SEC14L1: variants seen among roughly 807,000 people sequenced by gnomAD.
SEC14L1 encodes SEC14 like lipid binding 1, also known as SEC14-like protein 1.
SEC14L1 carries 48 observed loss-of-function variants against 85.3 expected under a neutral mutation model. That is an observed-to-expected ratio of 0.56 (90% CI 0.45 to 0.72). The LOEUF (loss-of-function observed/expected upper bound fraction) is 0.72. Ranked by LOEUF, SEC14L1 falls within the 30% of genes least tolerant of loss-of-function variation. The probability of loss-of-function intolerance (pLI) is 0.00; values close to 1 mark genes in which losing one functional copy is unlikely to be tolerated. For missense variants in SEC14L1, 682 were observed against 921.4 expected (o/e 0.74, Z 3.36); for synonymous variants, 391 against 355.5 (o/e 1.10, Z -1.12).
intron 3 of SEC14L1, among the ~76,000 whole-genome samples, chr17:77,115,054 G>A (rs1972141635): frequency 6.6e-6 from 1 of 152,112 alleles, no homozygotes; most frequent in Non-Finnish European, 1.5e-5. Flanking sequence ...CCATGTACCA[G>A]TCACAAATAA....
intron 3 of SEC14L1, among the ~76,000 whole-genome samples, chr17:77,172,038 A>C (rs917736043): frequency 6.6e-6 from 1 of 152,176 alleles, no homozygotes; most frequent in Non-Finnish European, 1.5e-5. Context: ...AGCGGTCCTT[A>C]TATTTAATTT....
chr17:77,215,058 C>T lies in SEC14L1; in HGVS notation c.*1035C>T. ...TCTTTGTACATGGGAATTGTGGACT[C>T]ATGCGTGTGTGTGTGTGCATGTGCT... On this transcript the variant is annotated 3_prime_UTR_variant, in exon 17 of 17. Coordinates refer to ENST00000436233, the MANE Select transcript of SEC14L1 (RefSeq NM_001143998.2). 3.1e-6 allele frequency: 3 copies of T among 979,254 alleles called. No homozygotes were observed. The highest frequency in any genetic ancestry group is 3.6e-6 in the Non-Finnish European group (3 of 826,046). 60.7% of individuals were successfully genotyped at this position (979,254 alleles called of 1,614,324 possible).
intron 3 of SEC14L1, chr17:77,093,497 C>T (rs1348783159): frequency 6.6e-6 from 1 of 152,248 alleles, no homozygotes; most frequent in Non-Finnish European, 1.5e-5. Flanking sequence ...TGTGTAGCCT[C>T]TCATCATCTA....
chr17:77,180,336 C>A (rs1296135275), intron 3 of SEC14L1, among the ~76,000 whole-genome samples: 1 of 152,068 alleles, frequency 6.6e-6, no homozygotes, highest in African/African-American at 2.4e-5. Flanking sequence ...AGGTGATCTG[C>A]CCGCCTTGGC....
At chr17:77,116,547 T>A (rs1042315520) in intron 3 of SEC14L1, among the ~76,000 whole-genome samples, 6 of 152,194 alleles carry the variant, frequency 3.9e-5, no homozygotes, top group African/African-American at 1.4e-4. Context: ...AGGAGGCACC[T>A]GCTCCTGTCT....
In SEC14L1 at chr17:77,122,553, T is replaced by A. The variant is rs181415524; in HGVS notation, c.-135-20093T>A. Among the ~76,000 whole-genome samples, 435 of 152,364 alleles carry A rather than the reference T, an allele frequency of 2.9e-3. 11 individuals are homozygous for A. The highest frequency in any genetic ancestry group is 0.027 in the Admixed American group (417 of 15,304). ...TTGGGTAACATAGGAGCAATCTTCC[T>A]GCCTTTGCCTCCCAAAGTGTTGGGA... On this transcript the variant is annotated intron_variant, in intron 3 of 19. Transcript: ENST00000392476.
chr17:77,192,307 C>G (rs912257245), intron 5 of SEC14L1, among the ~76,000 whole-genome samples: 1 of 152,168 alleles, frequency 6.6e-6, no homozygotes, highest in South Asian at 2.1e-4. Context: ...CTGCCCTTCT[C>G]CCCTGCAGTG....
At chr17:77,193,645 G>A (rs1213612066) in intron 6 of SEC14L1, 96 bp downstream of exon 6, 2 of 1,305,004 alleles carry the variant, frequency 1.5e-6, no homozygotes, top group African/African-American at 2.9e-5. Context: ...CAAGGGATTT[G>A]CAGCATTTCT....
At chr17:77,132,208 G>A (rs997605829) in intron 3 of SEC14L1, among the ~76,000 whole-genome samples, 1 of 151,358 alleles carries the variant, frequency 6.6e-6, no homozygotes, top group Non-Finnish European at 1.5e-5. Context: ...CCTTTATTAG[G>A]CCTTTATTCT....
Position 77,166,076 on chromosome 17 carries a change from A to G in SEC14L1, c.63+22417A>G, listed in dbSNP as rs557917578. ...CCTCCTTGAGAGGTTCATGTGTTGC[A>G]CAGAACAGTAGCCACACTTATTGAG... is the stretch of plus-strand genomic sequence containing the variant. On this transcript the variant is annotated intron_variant, in intron 3 of 16. Transcript: ENST00000436233. Among the ~76,000 whole-genome samples, 190 of 152,296 alleles carry G rather than the reference A, an allele frequency of 1.2e-3. 1 individual carries two copies. The highest frequency in any genetic ancestry group is 4.2e-3 in the African/African-American group (175 of 41,560).
chr17:77,159,098 A>ACT (rs879598433), intron 3 of SEC14L1, among the ~76,000 whole-genome samples: 10,225 of 150,448 alleles, frequency 0.068, 452 homozygotes, highest in East Asian at 0.27. Context: ...ATAAACTTTC[A>ACT]CTCTGTCACC....
intron 13 of SEC14L1, among the ~76,000 whole-genome samples, chr17:77,208,379 T>C (rs1293405257): frequency 6.6e-6 from 1 of 152,188 alleles, no homozygotes; most frequent in Non-Finnish European, 1.5e-5. Context: ...GTGTTGTTGC[T>C]GCTTCCAATT....
At chr17:77,119,198 C>T (rs966609160) in intron 3 of SEC14L1, among the ~76,000 whole-genome samples, 1 of 151,540 alleles carries the variant, frequency 6.6e-6, no homozygotes, top group Admixed American at 6.6e-5. Flanking sequence ...ATCTCAGCTA[C>T]TTGGGAGGCT....
rs1239313503 is a variant in SEC14L1, at chr17:77,171,585, T to C, written c.64-19218T>C. On this transcript the variant is annotated intron_variant, in intron 3 of 16. Transcript: ENST00000436233. ...AATTATTATGTCCCTGTGGACTAAG[T>C]TACTGTTAATGAGGCCTTGCTCTGT... Among the ~76,000 whole-genome samples the C allele has an allele frequency of 2.0e-5, 3 of 152,208 alleles. No individual in the cohort carries two copies. The East Asian group carries it at 5.8e-4, about 29-fold the overall frequency.
At chr17:77,113,053 G>A (rs902582013) in intron 3 of SEC14L1, among the ~76,000 whole-genome samples, 13 of 151,956 alleles carry the variant, frequency 8.6e-5, no homozygotes, top group Non-Finnish European at 1.2e-4. Flanking sequence ...TAGCTACTTC[G>A]GAGGCTGAGG....
chr17:77,090,283 C>T (rs748887528), intron 2 of SEC14L1, among the ~76,000 whole-genome samples: 49 of 146,726 alleles, frequency 3.3e-4, no homozygotes, highest in Non-Finnish European at 4.7e-4. Flanking sequence ...CAGAGCAAGA[C>T]TCCATCTCAA....
At chr17:77,195,541 G>A (rs1313596228) in intron 7 of SEC14L1, among the ~76,000 whole-genome samples, 1 of 152,064 alleles carries the variant, frequency 6.6e-6, no homozygotes, top group African/African-American at 2.4e-5. Flanking sequence ...AGGCTGCAGT[G>A]TAGTGGCACA....
rs113527420 is a variant in SEC14L1 at position 77,146,039 on chromosome 17, C to T, written c.63+2380C>T. On this transcript the variant is annotated intron_variant, in intron 3 of 16. Transcript: ENST00000436233. ...CCTGTCACATTTCATAGTTCACATC[C>T]TTGAGAGAAACTTGATCTAGTTCAT... Among the ~76,000 whole-genome samples, 534 of 152,334 alleles carry T rather than the reference C, an allele frequency of 3.5e-3. 3 individuals are homozygous for T. Among genetic ancestry groups the T allele is most frequent in the African/African-American group, 0.012 (497 of 41,566 alleles).
At chr17:77,200,392 C>G (rs1226856121) in intron 8 of SEC14L1, 92 bp from the exon 9 acceptor site, 3 of 982,556 alleles carry the variant, frequency 3.1e-6, no homozygotes, top group Non-Finnish European at 4.6e-6. Flanking sequence ...TGGTCTTGAA[C>G]TCCTGAGCTC....
Sources: allele counts gnomAD v4.1 joint callset (sites outside exome capture counted in the v4.1 genomes callset), GRCh38; gene constraint gnomAD v4.1.1; transcripts MANE v1.5; gene names NCBI Gene and HGNC (gene_info 2026-07-23, HGNC 2026-07-21).